MYO7B: variants seen among roughly 807,000 people sequenced by gnomAD.
MYO7B encodes myosin VIIB, also known as unconventional myosin-VIIb.
MYO7B carries 212 observed loss-of-function variants against 259.7 expected under a neutral mutation model. The ratio of observed to expected loss-of-function variants is 0.82; its 90% CI spans 0.73 to 0.91. The LOEUF (loss-of-function observed/expected upper bound fraction) is 0.91, where lower values mean the gene tolerates loss of function less well. MYO7B is among the 40% of genes least tolerant of loss of function. MYO7B has a pLI of 0.00. For synonymous variants in MYO7B, 1,197 were observed against 1,166.4 expected (o/e 1.03, Z -0.54); for missense variants, 2,732 against 2,813.5 (o/e 0.97, Z 0.66).
rs1255803404 is a variant in MYO7B at position 127,586,927 on chromosome 2, C to T, written c.1691-1465C>T. On this transcript the variant is annotated intron_variant, in intron 14 of 47. Coordinates refer to ENST00000409816, the MANE Select transcript of MYO7B (RefSeq NM_001393586.1). This position sits in a 1 kb window ranked among gnomAD's most constrained non-coding sequence, Gnocchi z 4.8. ...GAGCCTCAGGGGTGCAAGGTGTCAC[C>T]GAGTGTCCACCCCCTGCCCAGCACC... is the stretch of plus-strand genomic sequence containing the variant. Among the ~76,000 whole-genome samples the T allele has an allele frequency of 2.6e-5, 4 of 152,024 alleles. No individual in the cohort carries two copies. Among genetic ancestry groups the T allele is most frequent in the African/African-American group, 7.2e-5 (3 of 41,388 alleles).
In MYO7B at chr2:127,613,259, T is replaced by A. The variant is rs1290391383; in HGVS notation, c.3398+656T>A. Among the ~76,000 whole-genome samples the A allele has an allele frequency of 6.6e-6, 1 of 152,232 alleles. No individual in the cohort carries two copies. Among genetic ancestry groups the A allele is most frequent in the African/African-American group, 2.4e-5 (1 of 41,456 alleles). Reference sequence around the variant, plus strand: ...CTTCAGGTACCTAGGGGTCTGCTTATCTTTTCTTTCTTTTTTCTCTGTGTT... The same window carrying A: ...CTTCAGGTACCTAGGGGTCTGCTTAACTTTTCTTTCTTTTTTCTCTGTGTT... On this transcript the variant is annotated intron_variant, in intron 26 of 47. Coordinates refer to ENST00000409816, the MANE Select transcript of MYO7B (RefSeq NM_001393586.1). The surrounding 1 kb of genome is among the most constrained non-coding windows in gnomAD (Gnocchi z 4.3).
At chr2:127,608,638 G>A (rs908831273) in intron 21 of MYO7B, 70 bp from the exon 22 acceptor site, 43 of 1,506,868 alleles carry the variant, frequency 2.9e-5, no homozygotes, top group Non-Finnish European at 3.6e-5. Flanking sequence ...CTTGCCCTGT[G>A]GGGTAGGCAG....
intron 2 of MYO7B, among the ~76,000 whole-genome samples, chr2:127,560,354 T>A (rs1009423377): frequency 6.6e-6 from 1 of 152,124 alleles, no homozygotes; most frequent in Admixed American, 6.5e-5. Flanking sequence ...ATTGCGGCAG[T>A]TGCCGGGAGC....
At chr2:127,594,684 C>T (rs1226152469) in intron 18 of MYO7B, among the ~76,000 whole-genome samples, 1 of 152,054 alleles carries the variant, frequency 6.6e-6, no homozygotes, top group African/African-American at 2.4e-5. Flanking sequence ...TAACATAAAG[C>T]AATGTTGAAT....
chr2:127,575,959 A>G (rs545592467), intron 7 of MYO7B, among the ~76,000 whole-genome samples: 1 of 152,282 alleles, frequency 6.6e-6, no homozygotes, highest in African/African-American at 2.4e-5. Context: ...TTTGATTTGT[A>G]TGAGAATGCA....
In MYO7B at chr2:127,569,854, G is replaced by T; in HGVS notation, c.536G>T (p.Ser179Ile). The T allele has an allele frequency of 1.9e-6, 3 of 1,613,664 alleles. No individual in the cohort carries two copies. The highest frequency in any genetic ancestry group is 2.5e-6 in the Non-Finnish European group (3 of 1,179,718). Reference protein sequence around the residue: ...KLILQFLATISGQHSWIEQQV... With the variant: ...KLILQFLATIIGQHSWIEQQV... ...ATCCTGCAGTTCCTGGCCACCATCA[G>T]TGGCCAGCATTCGTGGATTGAGCAG... Residue 179 changes from serine (S) to isoleucine (I), a missense_variant, in exon 6 of 48, where the codon AGT (serine) becomes ATT (isoleucine). This residue lies in a region of MYO7B where 1,906 missense variants were observed against 2,026.4 expected (regional missense o/e 0.94). Coordinates refer to ENST00000409816, the MANE Select transcript of MYO7B (RefSeq NM_001393586.1).
intron 31 of MYO7B, chr2:127,626,765 C>A (rs144805051): frequency 1.2e-5 from 6 of 514,474 alleles, no homozygotes; most frequent in African/African-American, 1.9e-5. Context: ...GGTGACAGAG[C>A]GAGACTCTGT....
At chr2:127,566,060 C>G (rs1332209410) in intron 4 of MYO7B, among the ~76,000 whole-genome samples, 1 of 152,248 alleles carries the variant, frequency 6.6e-6, no homozygotes, top group Non-Finnish European at 1.5e-5. Context: ...CTTTTGCCTG[C>G]ACTCCTCATC....
rs530657148 is a variant in MYO7B, at chr2:127,597,409, G to C, written c.2339+853G>C. Among the ~76,000 whole-genome samples the C allele has an allele frequency of 2.0e-5, 3 of 152,088 alleles. No individual in the cohort carries two copies. Among genetic ancestry groups the C allele is most frequent in the East Asian group, 1.9e-4 (1 of 5,180 alleles). Reference sequence around the variant, plus strand: ...GTCTTACCACCAGGATTCCTTCTGCGGCCTTGTTTAGCCACGCCCCCTCCC... The same window carrying C: ...GTCTTACCACCAGGATTCCTTCTGCCGCCTTGTTTAGCCACGCCCCCTCCC... On this transcript the variant is annotated intron_variant, in intron 19 of 47. Coordinates refer to ENST00000409816, the MANE Select transcript of MYO7B (RefSeq NM_001393586.1). The surrounding 1 kb of genome is among the most constrained non-coding windows in gnomAD (Gnocchi z 4.8).
intron 6 of MYO7B, among the ~76,000 whole-genome samples, chr2:127,572,331 A>G (rs1678671246): frequency 6.6e-6 from 1 of 151,010 alleles, no homozygotes. Context: ...TGGCAGGAGA[A>G]TCGCTTGAAC....
chr2:127,552,630 G>A (rs942067475), intron 1 of MYO7B, among the ~76,000 whole-genome samples: 2 of 152,168 alleles, frequency 1.3e-5, no homozygotes, highest in Admixed American at 1.3e-4. Flanking sequence ...AGATCCTGGT[G>A]TCTGGAGAGG....
chr2:127,584,284 G>C lies in MYO7B; in HGVS notation c.1506G>C (p.Lys502Asn). ...NRPTLDLLAL[K>N]PMSIISLLDE... ...CCACCCTGGACCTGCTGGCCCTCAAGCCCATGAGCATCATCTCCCTCCTGG... is the reference window on the plus strand; with the variant it reads ...CCACCCTGGACCTGCTGGCCCTCAACCCCATGAGCATCATCTCCCTCCTGG... Residue 502 changes from lysine (K) to asparagine (N), a missense_variant, in exon 13 of 48, where the codon AAG becomes AAC. Transcript: ENST00000409816. The surrounding 1 kb of genome is among the most constrained non-coding windows in gnomAD (Gnocchi z 5.8). 1 of 1,613,976 alleles carries C rather than the reference G, an allele frequency of 6.2e-7. No individual in the cohort carries two copies. Among genetic ancestry groups the C allele is most frequent in the Admixed American group, 1.7e-5 (1 of 60,016 alleles).
Position 127,607,600 on chromosome 2 carries a change from G to A in MYO7B, c.2643+176G>A, listed in dbSNP as rs572336277. On this transcript the variant is annotated intron_variant, in intron 21 of 47. Transcript: ENST00000409816. This position sits in a 1 kb window ranked among gnomAD's most constrained non-coding sequence, Gnocchi z 4.4. ...GTTCAATTACTCAAGAGCACAGCAA[G>A]GATACAGGACACAAGATGCAAATTA... 4.6e-5 allele frequency among the ~76,000 whole-genome samples: 7 copies of A among 151,508 alleles called. No homozygotes were observed. The highest frequency in any genetic ancestry group is 1.7e-4 in the African/African-American group (7 of 41,194).
At chr2:127,579,667 A>T (rs1345297440) in intron 9 of MYO7B, among the ~76,000 whole-genome samples, 1 of 151,778 alleles carries the variant, frequency 6.6e-6, no homozygotes, top group African/African-American at 2.4e-5. Context: ...CTCACTGCAA[A>T]CTCCACCTCC....
intron 14 of MYO7B, 78 bp from the exon 15 acceptor site, chr2:127,588,314 C>A: frequency 1.3e-6 from 2 of 1,526,568 alleles, no homozygotes; most frequent in South Asian, 1.2e-5. Flanking sequence ...CTGTATTCCC[C>A]CACACTGCCC....
chr2:127,636,507 C>T lies in MYO7B; in HGVS notation c.6124-38C>T, dbSNP rs1681818392. The T allele has an allele frequency of 6.3e-7, 1 of 1,583,182 alleles. No individual in the cohort carries two copies. The highest frequency in any genetic ancestry group is 1.4e-5 in the African/African-American group (1 of 73,998). The stretch of plus-strand genomic sequence containing the variant: ...CTCCTGGGAGGTGCAGCCTGGCCTC[C>T]CGGGCTGGACTATGACCGCCGTGTC... On this transcript the variant is annotated intron_variant, in intron 45 of 47. Coordinates refer to ENST00000409816, the MANE Select transcript of MYO7B (RefSeq NM_001393586.1). This position sits in a 1 kb window ranked among gnomAD's most constrained non-coding sequence, Gnocchi z 4.5.
rs1342574009 is a variant in MYO7B, at chr2:127,535,794, AG to A, written c.-57del. On this transcript the variant is annotated 5_prime_UTR_variant, in exon 1 of 48. Coordinates refer to ENST00000409816, the MANE Select transcript of MYO7B (RefSeq NM_001393586.1). This position sits in a 1 kb window ranked among gnomAD's most constrained non-coding sequence, Gnocchi z 4.8. ...GGCTCTTTCAGGGTGCCCAGGGTGG[AG>A]GGGAAGGGGAGTCAGCCAGACCCCC... 6.6e-6 allele frequency: 1 copy of A among 152,136 alleles called. No homozygotes were observed. Among genetic ancestry groups the A allele is most frequent in the East Asian group, 1.9e-4 (1 of 5,180 alleles). 9.4% of individuals were successfully genotyped at this position (152,136 alleles called of 1,614,324 possible). A position where few individuals can be genotyped will look rare whatever the true frequency, so the allele number is the denominator to read the frequency against.
intron 10 of MYO7B, 46 bp downstream of exon 10, chr2:127,580,868 G>C: frequency 3.2e-6 from 5 of 1,564,836 alleles, no homozygotes; most frequent in Non-Finnish European, 4.4e-6. Flanking sequence ...GGGGGCCTCA[G>C]AGGCCTGGGC....
intron 2 of MYO7B, among the ~76,000 whole-genome samples, chr2:127,562,488 T>G (rs1573623522): frequency 3.6e-5 from 5 of 138,340 alleles, no homozygotes; most frequent in African/African-American, 8.0e-5. Flanking sequence ...TATTGTTTTT[T>G]TTTTTTTTTT....
Sources: gnomAD v4.1 joint callset for allele counts (sites outside exome capture counted in the v4.1 genomes callset) on GRCh38, gnomAD v4.1.1 for gene constraint, gnomAD v4.1.1 regional missense constraint, Gnocchi (gnomAD v3.1) non-coding constraint, MANE v1.5 for transcripts, NCBI Gene and HGNC (gene_info 2026-07-23, HGNC 2026-07-21) for gene names.